Variants in DPP10 observed in about 807,000 individuals in gnomAD.
DPP10 encodes inactive dipeptidyl peptidase 10.
A neutral mutation model predicts 120.9 loss-of-function variants in DPP10; 33 were observed. The observed-to-expected ratio is 0.27, with a 90% CI of 0.21 to 0.37. DPP10 has a LOEUF of 0.37. DPP10 is among the 10% of genes least tolerant of loss of function. The probability of loss-of-function intolerance (pLI) is 1.00; values close to 1 mark genes in which losing one functional copy is unlikely to be tolerated. For synonymous variants in DPP10, 337 were observed against 326.1 expected (o/e 1.03, Z -0.36); for missense variants, 816 against 942.8 (o/e 0.87, Z 1.76).
At chr2:114,987,804 C>CTTTTTTTTTTTTTTTTTTTTTTTTTTT (rs59203543) in intron 1 of DPP10, among the ~76,000 whole-genome samples, 1 of 101,036 alleles carries the variant, frequency 9.9e-6, no homozygotes, top group Admixed American at 1.4e-4. Context: ...TGGAGACTGT[C>CTTTTTTTTTTTTTTTTTTTTTTTTTTT]TTTTTTTTTT....
intron 1 of DPP10, among the ~76,000 whole-genome samples, chr2:115,307,902 G>A (rs1483166861): frequency 6.6e-6 from 1 of 152,128 alleles, no homozygotes; most frequent in African/African-American, 2.4e-5. Flanking sequence ...AGGAATAGAA[G>A]TGTTGGATAA....
At chr2:115,049,410 T>G (rs1705302267) in intron 1 of DPP10, among the ~76,000 whole-genome samples, 1 of 152,126 alleles carries the variant, frequency 6.6e-6, no homozygotes, top group South Asian at 2.1e-4. Flanking sequence ...AGTTTCTGTT[T>G]TACTACCAAA....
intron 1 of DPP10, among the ~76,000 whole-genome samples, chr2:114,930,245 C>T (rs1351842536): frequency 6.6e-6 from 1 of 152,162 alleles, no homozygotes; most frequent in Non-Finnish European, 1.5e-5. Context: ...TTAAAATATT[C>T]TTCTCTACCG....
intron 1 of DPP10, among the ~76,000 whole-genome samples, chr2:115,278,419 G>C (rs2060005277): frequency 6.6e-6 from 1 of 152,078 alleles, no homozygotes; most frequent in Non-Finnish European, 1.5e-5. Context: ...GTGCCTTTTT[G>C]AATCTGACTG....
At chr2:114,514,755 G>T (rs918911816) in intron 1 of DPP10, among the ~76,000 whole-genome samples, 1 of 151,100 alleles carries the variant, frequency 6.6e-6, no homozygotes, top group African/African-American at 2.4e-5. Context: ...AACTGGGAAA[G>T]ATCTTTTTTT....
At chr2:114,715,850 C>A (rs1340603135) in intron 1 of DPP10, among the ~76,000 whole-genome samples, 1 of 151,398 alleles carries the variant, frequency 6.6e-6, no homozygotes, top group African/African-American at 2.4e-5. Context: ...AAATAATATA[C>A]AAAATGAATC....
intron 1 of DPP10, among the ~76,000 whole-genome samples, chr2:114,794,905 A>G (rs556853885): frequency 6.6e-6 from 1 of 152,334 alleles, no homozygotes; most frequent in South Asian, 2.1e-4. Context: ...TCAAGGAATG[A>G]TAGTGTAAGC....
chr2:114,768,666 C>T (rs1028754661), intron 1 of DPP10, among the ~76,000 whole-genome samples: 7 of 152,060 alleles, frequency 4.6e-5, no homozygotes, highest in Admixed American at 3.3e-4. Context: ...TTCCAGGTAT[C>T]TGGATGTGGA....
At chr2:114,834,506 T>C (rs933849199) in intron 1 of DPP10, among the ~76,000 whole-genome samples, 57 of 150,948 alleles carry the variant, frequency 3.8e-4, no homozygotes, top group African/African-American at 1.2e-3. Context: ...TCTACGCACC[T>C]ATGTATATAT....
Position 115,716,025 on chromosome 2 carries a change from G to A in DPP10, c.577-11791G>A, listed in dbSNP as rs569344066. On this transcript the variant is annotated intron_variant, in intron 7 of 25. Transcript: ENST00000410059. The stretch of plus-strand genomic sequence containing the variant: ...GCAAGTGAATGCGGTTCACTAAGGC[G>A]GAAGCTGCCTTTTAGAAGGATTAAG... Among the ~76,000 whole-genome samples, 13 of 152,244 alleles carry A rather than the reference G, an allele frequency of 8.5e-5. No individual in the cohort carries two copies. The South Asian group carries it at 1.0e-3, about 12-fold the overall frequency.
intron 1 of DPP10, among the ~76,000 whole-genome samples, chr2:115,214,568 G>T (rs973246359): frequency 6.6e-6 from 1 of 152,070 alleles, no homozygotes; most frequent in Admixed American, 6.6e-5. Context: ...TTGCCATGGG[G>T]TATACATTTT....
At chr2:115,481,414 AG>A (rs2105270502) in intron 3 of DPP10, among the ~76,000 whole-genome samples, 1 of 152,310 alleles carries the variant, frequency 6.6e-6, no homozygotes, top group South Asian at 2.1e-4. Context: ...GGTAAGCTTA[AG>A]GAAGCAGTAT....
At chr2:115,640,112 G>A (rs2086659867) in intron 5 of DPP10, among the ~76,000 whole-genome samples, 1 of 152,036 alleles carries the variant, frequency 6.6e-6, no homozygotes, top group South Asian at 2.1e-4. Flanking sequence ...TGGAGTAAAA[G>A]GCTTCAGGCT....
chr2:115,150,825 CAT>C (rs2051499138), intron 1 of DPP10, among the ~76,000 whole-genome samples: 1 of 152,154 alleles, frequency 6.6e-6, no homozygotes, highest in African/African-American at 2.4e-5. Context: ...TGTAAAGTCT[CAT>C]AGACAATTTT....
chr2:115,234,849 A>G (rs1365470329), intron 1 of DPP10, among the ~76,000 whole-genome samples: 2 of 152,104 alleles, frequency 1.3e-5, no homozygotes, highest in Non-Finnish European at 2.9e-5. Flanking sequence ...TTTTGTTTCT[A>G]TCACGGTCTT....
intron 5 of DPP10, among the ~76,000 whole-genome samples, chr2:115,632,836 A>G (rs926828524): frequency 2.6e-4 from 39 of 152,208 alleles, no homozygotes; most frequent in Admixed American, 1.3e-3. Context: ...AAAAATGCTC[A>G]TCATCACTGG....
At chr2:114,483,750 C>T (rs918669033) in intron 1 of DPP10, among the ~76,000 whole-genome samples, 9 of 152,106 alleles carry the variant, frequency 5.9e-5, no homozygotes, top group Admixed American at 6.6e-5. Flanking sequence ...TGGAGGACCT[C>T]GCTCAGGCCT....
intron 3 of DPP10, among the ~76,000 whole-genome samples, chr2:115,449,106 A>G (rs1395281068): frequency 6.6e-6 from 1 of 152,148 alleles, no homozygotes; most frequent in Non-Finnish European, 1.5e-5. Flanking sequence ...TAACCCATGT[A>G]TTTGAGATAA....
chr2:114,685,371 T>C (rs535581937), intron 1 of DPP10, among the ~76,000 whole-genome samples: 1 of 152,134 alleles, frequency 6.6e-6, no homozygotes, highest in South Asian at 2.1e-4. Flanking sequence ...TCCCTGCTAC[T>C]CTAAATTCCT....
Sources: allele counts gnomAD v4.1 joint callset (sites outside exome capture counted in the v4.1 genomes callset), GRCh38; gene constraint gnomAD v4.1.1; transcripts MANE v1.5; gene names NCBI Gene and HGNC (gene_info 2026-07-23, HGNC 2026-07-21).